Variants in ATXN1 observed in about 807,000 individuals in gnomAD.
ATXN1 encodes the protein ataxin 1.
Under a neutral mutation model 56.4 loss-of-function variants are expected in ATXN1, and 8 were observed. The ratio of observed to expected loss-of-function variants is 0.14; its 90% confidence interval spans 0.08 to 0.26. The LOEUF is 0.26. Ranked by LOEUF, ATXN1 falls within the 10% of genes least tolerant of loss-of-function variation. The pLI is 1.00. For synonymous variants in ATXN1, 514 were observed against 494.6 expected, an observed-to-expected ratio of 1.04 and a Z score of -0.52; for missense variants, 987 against 1,106.5, an observed-to-expected ratio of 0.89 and a Z score of 1.53.
Position 16,654,541 on chromosome 6 carries a change from T to TA in ATXN1, c.-489+3234dup, listed in dbSNP as rs1212773515. Among the ~76,000 whole-genome samples the TA allele has an allele frequency of 3.6e-3, 436 of 122,522 alleles. 1 individual carries two copies. The highest frequency in any genetic ancestry group is 5.7e-3 in the Non-Finnish European group (343 of 60,012). The allele number at this position is 122,522 out of a possible 152,430, so 80.4% of individuals were successfully genotyped here. ...TAGCAACAGACCCAAGACTCTGCCT[T>TA]AAAAAAAAAAAAAAAAAAAAAAAAA... On this transcript the variant is annotated intron_variant, in intron 3 of 7. Coordinates refer to ENST00000436367, the MANE Select transcript of ATXN1 (RefSeq NM_001128164.2).
intron 3 of ATXN1, among the ~76,000 whole-genome samples, chr6:16,650,043 T>C (rs1389435328): frequency 1.3e-5 from 2 of 152,082 alleles, no homozygotes; most frequent in Non-Finnish European, 2.9e-5. Context: ...AGAAATCCTC[T>C]TCCCTCAGCC....
At chr6:16,439,782 A>G (rs1759475791) in intron 6 of ATXN1, among the ~76,000 whole-genome samples, 1 of 152,238 alleles carries the variant, frequency 6.6e-6, no homozygotes, top group South Asian at 2.1e-4. Context: ...CTATTAAAAA[A>G]TTAAAGTGGG....
At chr6:16,332,622 G>T (rs1337322341) in intron 6 of ATXN1, among the ~76,000 whole-genome samples, 1 of 152,184 alleles carries the variant, frequency 6.6e-6, no homozygotes, top group Non-Finnish European at 1.5e-5. Flanking sequence ...AGCCACATAT[G>T]CAGATCGCAC....
chr6:16,466,377 G>A (rs1301440850), intron 6 of ATXN1, among the ~76,000 whole-genome samples: 1 of 132,830 alleles, frequency 7.5e-6, no homozygotes, highest in African/African-American at 2.9e-5. Context: ...GGGAACCCAA[G>A]AGGATAACTC....
At chr6:16,494,869 T>C (rs1377240002) in intron 5 of ATXN1, among the ~76,000 whole-genome samples, 1 of 152,208 alleles carries the variant, frequency 6.6e-6, no homozygotes, top group Non-Finnish European at 1.5e-5. Context: ...GGTATTGCTG[T>C]AGCACAACAG....
At chr6:16,516,490 C>T (rs1464387393) in intron 5 of ATXN1, among the ~76,000 whole-genome samples, 1 of 152,160 alleles carries the variant, frequency 6.6e-6, no homozygotes, top group Non-Finnish European at 1.5e-5. Flanking sequence ...TTCCAGTGAT[C>T]ATGAAAGAGG....
At chr6:16,312,579 G>A (rs1030831169) in intron 7 of ATXN1, among the ~76,000 whole-genome samples, 7 of 152,062 alleles carry the variant, frequency 4.6e-5, no homozygotes, top group East Asian at 3.9e-4. Context: ...GGCTGGGCAC[G>A]GTGGCTCACG....
intron 6 of ATXN1, among the ~76,000 whole-genome samples, chr6:16,372,934 TAAACAAACAAAC>T (rs58286188): frequency 0.58 from 86,470 of 148,596 alleles, 25,867 homozygotes; most frequent in Admixed American, 0.7. Flanking sequence ...AATAAATAAA[TAAACAAACAAAC>T]AAACAAACAA....
intron 3 of ATXN1, among the ~76,000 whole-genome samples, chr6:16,625,044 A>G (rs531255898): frequency 6.6e-6 from 1 of 152,338 alleles, no homozygotes; most frequent in East Asian, 1.9e-4. Flanking sequence ...AAAACTGTCA[A>G]CGATTACTGG....
intron 6 of ATXN1, among the ~76,000 whole-genome samples, chr6:16,373,467 A>G (rs1762085189): frequency 6.6e-6 from 1 of 152,026 alleles, no homozygotes; most frequent in African/African-American, 2.4e-5. Context: ...TATTCAGGCC[A>G]CTCCAGGGGC....
intron 2 of ATXN1, among the ~76,000 whole-genome samples, chr6:16,667,928 A>G (rs1023929268): frequency 6.6e-6 from 1 of 151,696 alleles, no homozygotes; most frequent in Non-Finnish European, 1.5e-5. Context: ...ACTGCAGCTC[A>G]CTCTTTCCCC....
intron 4 of ATXN1, among the ~76,000 whole-genome samples, chr6:16,554,613 G>A (rs368074660): frequency 3.9e-5 from 6 of 152,118 alleles, no homozygotes; most frequent in South Asian, 2.1e-4. Flanking sequence ...CACCACGCCC[G>A]GCTAATTTTT....
intron 4 of ATXN1, among the ~76,000 whole-genome samples, chr6:16,584,133 C>T (rs1010023282): frequency 2.0e-5 from 3 of 150,804 alleles, no homozygotes; most frequent in Non-Finnish European, 4.4e-5. Context: ...GAATTTGAGC[C>T]CAGGCAGCCT....
intron 3 of ATXN1, among the ~76,000 whole-genome samples, chr6:16,651,525 C>CA (rs1393215149): frequency 7.6e-6 from 1 of 131,014 alleles, no homozygotes; most frequent in Non-Finnish European, 1.6e-5. Context: ...GCGTGGGTGA[C>CA]AGAGAGAGAC....
chr6:16,433,104 C>G (rs978631283), intron 6 of ATXN1: 2 of 151,862 alleles, frequency 1.3e-5, no homozygotes, highest in Non-Finnish European at 2.9e-5. Context: ...GATCTAGAAA[C>G]AGGGTGAGAA....
chr6:16,674,051 T>TATATATA (rs559330521), intron 2 of ATXN1, among the ~76,000 whole-genome samples: 2 of 151,830 alleles, frequency 1.3e-5, no homozygotes, highest in African/African-American at 2.4e-5. Flanking sequence ...CTAACGTGTT[T>TATATATA]TATATATATA....
intron 6 of ATXN1, among the ~76,000 whole-genome samples, chr6:16,334,750 G>A (rs1761079229): frequency 6.6e-6 from 1 of 152,118 alleles, no homozygotes; most frequent in African/African-American, 2.4e-5. Flanking sequence ...TTCAGAATAA[G>A]GGAATAAATA....
rs186734712 is a variant in ATXN1, at chr6:16,416,556, C to T, written c.-161+69416G>A. ...GAAAAGTACTAAGTATAGTCCCTGG[C>T]CCAGATTAAGTATTCATAAATATCA... On this transcript the variant is annotated intron_variant, in intron 6 of 7. Coordinates refer to ENST00000436367, the MANE Select transcript of ATXN1 (RefSeq NM_001128164.2). Among the ~76,000 whole-genome samples, 42 of 152,264 alleles carry T rather than the reference C, an allele frequency of 2.8e-4. No individual in the cohort carries two copies. In the East Asian group the frequency reaches 6.2e-3, roughly 22 times the overall value.
In ATXN1 at chr6:16,491,298, T is replaced by A. The variant is rs868736173; in HGVS notation, c.-298-5189A>T. Among the ~76,000 whole-genome samples, 291 of 61,814 alleles carry A rather than the reference T, an allele frequency of 4.7e-3. 2 individuals carry two copies. Among genetic ancestry groups the A allele is most frequent in the African/African-American group, 0.01 (240 of 23,012 alleles). The allele number at this position is 61,814 out of a possible 152,430, so 40.6% of individuals were successfully genotyped here. ...TATTATTTTTTTTTTTTTTTTTTTT[T>A]TTTGATACAAGGTTTCGCTCTTGTT... On this transcript the variant is annotated intron_variant, in intron 5 of 7. Coordinates refer to ENST00000436367, the MANE Select transcript of ATXN1 (RefSeq NM_001128164.2).
Sources: allele counts gnomAD v4.1 joint callset (sites outside exome capture counted in the v4.1 genomes callset), GRCh38; gene constraint gnomAD v4.1.1; transcripts MANE v1.5; gene names NCBI Gene and HGNC (gene_info 2026-07-23, HGNC 2026-07-21).